The following SLC10A7 variants were observed in gnomAD, a reference collection of about 807,000 sequenced individuals.
SLC10A7 encodes solute carrier family 10 member 7, also known as sodium/bile acid cotransporter 7.
A neutral mutation model predicts 43.2 loss-of-function variants in SLC10A7; 29 were observed. The ratio of observed to expected loss-of-function variants is 0.67; its 90% CI spans 0.50 to 0.92. The LOEUF is 0.92. Ranked by LOEUF, SLC10A7 falls within the 40% of genes least tolerant of loss-of-function variation. The pLI is 0.00. For missense variants in SLC10A7, 295 were observed against 403.2 expected (o/e 0.73, Z 2.30); for synonymous variants, 152 against 144.8 (o/e 1.05, Z -0.35).
At chr4:146,409,033 C>A (rs1727941713) in intron 5 of SLC10A7, among the ~76,000 whole-genome samples, 1 of 151,916 alleles carries the variant, frequency 6.6e-6, no homozygotes, top group Non-Finnish European at 1.5e-5. Flanking sequence ...AAACTCTGAA[C>A]CGAAAATGGG....
chr4:146,342,210 A>T (rs1406523298), intron 5 of SLC10A7, among the ~76,000 whole-genome samples: 1 of 151,784 alleles, frequency 6.6e-6, no homozygotes, highest in Non-Finnish European at 1.5e-5. Flanking sequence ...ATATAAGCAC[A>T]CCTCATTCTT....
chr4:146,422,268 G>A (rs1198145999), intron 5 of SLC10A7, among the ~76,000 whole-genome samples: 1 of 152,096 alleles, frequency 6.6e-6, no homozygotes, highest in Non-Finnish European at 1.5e-5. Context: ...TGGTATAACT[G>A]TCTCCAATAA....
At chr4:146,335,752 A>C (rs1416055990) in intron 5 of SLC10A7, among the ~76,000 whole-genome samples, 2 of 152,096 alleles carry the variant, frequency 1.3e-5, no homozygotes, top group Admixed American at 6.6e-5. Context: ...ACTTCTCTCC[A>C]AGGTGACATT....
Position 146,434,603 on chromosome 4 carries a change from G to A in SLC10A7, c.435+8180C>T, listed in dbSNP as rs189792724. On this transcript the variant is annotated intron_variant, in intron 5 of 11. Transcript: ENST00000335472. ...TTCTGAGATGGAGTCTCGCTCTGTC[G>A]CCCAGGCTGGAGTGCAGTGGCACGA... Among the ~76,000 whole-genome samples the A allele has an allele frequency of 2.5e-3, 378 of 152,164 alleles. 1 individual carries two copies. The highest frequency in any genetic ancestry group is 6.1e-3 in the African/African-American group (255 of 41,520).
intron 5 of SLC10A7, among the ~76,000 whole-genome samples, chr4:146,331,517 C>A (rs919470205): frequency 1.3e-5 from 2 of 152,158 alleles, no homozygotes; most frequent in African/African-American, 4.8e-5. Context: ...GTATGCTTTT[C>A]TAATGGCCTG....
At chr4:146,392,774 C>A (rs1276846037) in intron 5 of SLC10A7, among the ~76,000 whole-genome samples, 1 of 152,114 alleles carries the variant, frequency 6.6e-6, no homozygotes, top group African/African-American at 2.4e-5. Context: ...TGAATAGCAT[C>A]ATTCTCTTGT....
intron 6 of SLC10A7, among the ~76,000 whole-genome samples, chr4:146,320,059 C>T (rs1274182992): frequency 6.6e-6 from 1 of 151,900 alleles, no homozygotes; most frequent in Admixed American, 6.6e-5. Context: ...AAAAGAGGCA[C>T]TGGAGATTTG....
At chr4:146,418,857 T>G (rs1300623880) in intron 5 of SLC10A7, among the ~76,000 whole-genome samples, 1 of 152,226 alleles carries the variant, frequency 6.6e-6, no homozygotes, top group Non-Finnish European at 1.5e-5. Flanking sequence ...AGGTTGTGGC[T>G]TGTGCTTCTA....
At chr4:146,434,205 C>G (rs539123847) in intron 5 of SLC10A7, among the ~76,000 whole-genome samples, 1 of 152,116 alleles carries the variant, frequency 6.6e-6, no homozygotes, top group Non-Finnish European at 1.5e-5. Context: ...ACTACATCTA[C>G]GTAACACACA....
chr4:146,393,191 CAAAA>C (rs765135958), intron 5 of SLC10A7, among the ~76,000 whole-genome samples: 5 of 42,068 alleles, frequency 1.2e-4, no homozygotes, highest in Non-Finnish European at 2.0e-4. Flanking sequence ...GGCCCTGTCT[CAAAA>C]AAAAAAAAAA....
intron 5 of SLC10A7, among the ~76,000 whole-genome samples, chr4:146,328,303 G>A (rs1733299903): frequency 6.6e-6 from 1 of 152,068 alleles, no homozygotes; most frequent in Admixed American, 6.6e-5. Context: ...GGGGGCCTCG[G>A]GATTTACCCA....
At chr4:146,488,952 C>T (rs1291068597) in intron 4 of SLC10A7, among the ~76,000 whole-genome samples, 1 of 152,082 alleles carries the variant, frequency 6.6e-6, no homozygotes, top group African/African-American at 2.4e-5. Context: ...TCCTGTGTCC[C>T]TCATCTATGC....
intron 5 of SLC10A7, among the ~76,000 whole-genome samples, chr4:146,326,442 T>C (rs918905974): frequency 1.3e-5 from 2 of 152,198 alleles, no homozygotes; most frequent in African/African-American, 4.8e-5. Flanking sequence ...GATGTCATGA[T>C]TTTGTAATGT....
In SLC10A7 at chr4:146,396,454, T is replaced by C. The variant is rs1156715104; in HGVS notation, c.435+46329A>G. On this transcript the variant is annotated intron_variant, in intron 5 of 11. Coordinates refer to ENST00000335472, the MANE Select transcript of SLC10A7 (RefSeq NM_001029998.6). ...AGCTCATGAAAGTAGAAAAGGTTGA[T>C]AGTTTTAGATTACATTACCCTAAAT... is the stretch of plus-strand genomic sequence containing the variant. Among the ~76,000 whole-genome samples the C allele has an allele frequency of 3.9e-5, 6 of 152,118 alleles. No homozygotes were observed. In the East Asian group the frequency reaches 1.2e-3, roughly 29 times the overall value.
At chr4:146,428,380 G>C (rs756802822) in intron 5 of SLC10A7, among the ~76,000 whole-genome samples, 3 of 152,122 alleles carry the variant, frequency 2.0e-5, no homozygotes, top group Admixed American at 6.5e-5. Context: ...CCGCTGACAA[G>C]ATGATAAGAC....
At chr4:146,424,133 C>T (rs1327991603) in intron 5 of SLC10A7, among the ~76,000 whole-genome samples, 1 of 152,184 alleles carries the variant, frequency 6.6e-6, no homozygotes, top group Non-Finnish European at 1.5e-5. Context: ...CTCACTGCAG[C>T]CTAGAACTCA....
At chr4:146,317,619 C>A (rs1057246151) in intron 6 of SLC10A7, among the ~76,000 whole-genome samples, 2 of 152,026 alleles carry the variant, frequency 1.3e-5, no homozygotes, top group African/African-American at 4.8e-5. Context: ...GATCCACCCT[C>A]ACCAATGGGG....
chr4:146,472,585 C>A (rs921852500), intron 4 of SLC10A7, among the ~76,000 whole-genome samples: 1 of 152,042 alleles, frequency 6.6e-6, no homozygotes, highest in African/African-American at 2.4e-5. Flanking sequence ...ACATAATAAT[C>A]CAACTGTGTT....
At chr4:146,502,700 T>A (rs1191101788) in intron 4 of SLC10A7, among the ~76,000 whole-genome samples, 1 of 152,192 alleles carries the variant, frequency 6.6e-6, no homozygotes, top group African/African-American at 2.4e-5. Flanking sequence ...GAATTATTAA[T>A]GAACACAACA....
Sources: gnomAD v4.1 joint callset for allele counts (sites outside exome capture counted in the v4.1 genomes callset) on GRCh38, gnomAD v4.1.1 for gene constraint, MANE v1.5 for transcripts, NCBI Gene and HGNC (gene_info 2026-07-23, HGNC 2026-07-21) for gene names.